ARRDC5: variants seen among roughly 807,000 people sequenced by gnomAD.
ARRDC5 encodes arrestin domain containing 5, also known as arrestin domain-containing protein 5.
In ARRDC5, 12 loss-of-function variants were observed where a neutral mutation model predicts 13.3. That is an observed-to-expected ratio of 0.90 (90% CI 0.58 to 1.46). The LOEUF (loss-of-function observed/expected upper bound fraction) is 1.46. ARRDC5 is among the 40% of genes most tolerant of loss of function. The pLI, the probability that ARRDC5 is intolerant of heterozygous loss-of-function variation, is 0.00. For synonymous variants in ARRDC5, 181 were observed against 173.4 expected, an observed-to-expected ratio of 1.04 and a Z score of -0.34; for missense variants, 406 against 418.7, an observed-to-expected ratio of 0.97 and a Z score of 0.26.
At chr19:4,899,913 T>G (rs1038617842) in intron 1 of ARRDC5, among the ~76,000 whole-genome samples, 3 of 146,274 alleles carry the variant, frequency 2.1e-5, no homozygotes, top group African/African-American at 7.5e-5. Context: ...CACTCCACGC[T>G]GGGCGACAGA....
intron 2 of ARRDC5, among the ~76,000 whole-genome samples, 159 bp downstream of exon 2, chr19:4,896,512 G>A (rs1415142293): frequency 1.3e-5 from 2 of 150,904 alleles, no homozygotes; most frequent in Non-Finnish European, 2.9e-5. Context: ...CTGCCCTAAG[G>A]TTTCTGACTC....
rs2031727207 is a variant in ARRDC5, at chr19:4,896,359, TTTACACACACACACACAC to T, written c.459+294_459+311del. On this transcript the variant is annotated intron_variant, in intron 2 of 2. Coordinates refer to ENST00000650722, the MANE Select transcript of ARRDC5 (RefSeq NM_001080523.3). ...ATATATATATATATATTTTTTTTTT[TTTACACACACACACACAC>T]ACACACACACACACACACACACACA... is the stretch of plus-strand genomic sequence containing the variant. Among the ~76,000 whole-genome samples, 2 of 82,990 alleles carry T rather than the reference TTTACACACACACACACAC, an allele frequency of 2.4e-5. 1 individual carries two copies. Among genetic ancestry groups the T allele is most frequent in the African/African-American group, 1.1e-4 (2 of 18,210 alleles). 54.4% of individuals were successfully genotyped at this position (82,990 alleles called of 152,430 possible).
upstream of ARRDC5, among the ~76,000 whole-genome samples, chr19:4,907,590 G>T (rs928534891): frequency 6.6e-6 from 1 of 151,052 alleles, no homozygotes; most frequent in Admixed American, 6.6e-5. Context: ...TCATCTTACA[G>T]TTTGGGAGGT....
the ARRDC5 span, among the ~76,000 whole-genome samples, chr19:4,912,838 T>C: frequency 5.3e-5 from 8 of 152,006 alleles, no homozygotes; most frequent in South Asian, 1.2e-3. Context: ...CAGCTCACTA[T>C]AGCCTCAGCT....
In ARRDC5 at chr19:4,894,510, CAA is replaced by C. The variant is rs575777769; in HGVS notation, c.459+2159_459+2160del. Among the ~76,000 whole-genome samples, 18 of 27,228 alleles carry C rather than the reference CAA, an allele frequency of 6.6e-4. 1 individual carries two copies. Among genetic ancestry groups the C allele is most frequent in the Middle Eastern group, 0.031 (1 of 32 alleles). The allele number at this position is 27,228 out of a possible 152,430, so 17.9% of individuals were successfully genotyped here. A position where few individuals can be genotyped will look rare whatever the true frequency, so the allele number is the denominator to read the frequency against. ...TGGGCGACAGAGCGAGACTCCGTCT[CAA>C]AAAAAAAAAAAAAAAAAAAAAATTA... On this transcript the variant is annotated intron_variant, in intron 2 of 2. Coordinates refer to ENST00000650722, the MANE Select transcript of ARRDC5 (RefSeq NM_001080523.3).
At chr19:4,902,996 G>T, upstream of ARRDC5, 1 of 773,840 alleles carries the variant, frequency 1.3e-6, no homozygotes. Flanking sequence ...TAGGGTGGGT[G>T]GTTGATTGGG....
rs377136880 is a variant in ARRDC5, at chr19:4,901,965, G to C, written c.253+608C>G. On this transcript the variant is annotated intron_variant, in intron 1 of 2. Transcript: ENST00000650722. ...GCTGTGGTGCGATCTCAGCTTACTG[G>C]AACCTCCCCTTCACGAGTTCAAGTG... is the stretch of plus-strand genomic sequence containing the variant. Among the ~76,000 whole-genome samples, 3 of 152,104 alleles carry C rather than the reference G, an allele frequency of 2.0e-5. No individual in the cohort carries two copies. The East Asian group carries it at 5.8e-4, about 29-fold the overall frequency.
At chr19:4,904,384 T>C (rs1307615291), upstream of ARRDC5, among the ~76,000 whole-genome samples, 1 of 152,186 alleles carries the variant, frequency 6.6e-6, no homozygotes, top group Non-Finnish European at 1.5e-5. Flanking sequence ...TTTCATCATG[T>C]TAGCCAGGAT....
rs1163797764 is a variant in ARRDC5, at chr19:4,896,344, ATATATT to A, written c.459+321_459+326del. ...AAAAAAAAAAAATATATATATATAT[ATATATT>A]TTTTTTTTTTTACACACACACACAC... On this transcript the variant is annotated intron_variant, in intron 2 of 2. Transcript: ENST00000650722. Among the ~76,000 whole-genome samples, 168 of 72,548 alleles carry A rather than the reference ATATATT, an allele frequency of 2.3e-3. 2 individuals carry two copies. The highest frequency in any genetic ancestry group is 6.9e-3 in the Middle Eastern group (1 of 144). The allele number at this position is 72,548 out of a possible 152,430, so 47.6% of individuals were successfully genotyped here. A position where few individuals can be genotyped will look rare whatever the true frequency, so the allele number is the denominator to read the frequency against.
At chr19:4,903,029 C>CTTTTTCACTGGTTCTT (rs57469214), upstream of ARRDC5, 3,747 of 443,732 alleles carry the variant, frequency 8.4e-3, no homozygotes, top group Middle Eastern at 0.012. Flanking sequence ...CTCACTGGTT[C>CTTTTTCACTGGTTCTT]TTTTTTTTTT....
At chr19:4,892,955 T>C (rs2031559851) in intron 2 of ARRDC5, among the ~76,000 whole-genome samples, 1 of 150,492 alleles carries the variant, frequency 6.6e-6, no homozygotes. Flanking sequence ...ATACAAAAAT[T>C]AGCCGGGCGT....
chr19:4,907,196 G>T (rs562114963), upstream of ARRDC5, among the ~76,000 whole-genome samples: 2 of 152,250 alleles, frequency 1.3e-5, no homozygotes, highest in Admixed American at 1.3e-4. Context: ...TGCAACCTCC[G>T]TCTCCTGGGT....
At chr19:4,905,323 G>C (rs1274940280), upstream of ARRDC5, among the ~76,000 whole-genome samples, 1 of 150,672 alleles carries the variant, frequency 6.6e-6, no homozygotes, top group Non-Finnish European at 1.5e-5. Flanking sequence ...GTTTCACCAT[G>C]TTAGCCAGGA....
intron 2 of ARRDC5, 108 bp from the exon 3 acceptor site, chr19:4,891,681 G>T: frequency 1.0e-6 from 1 of 993,388 alleles, no homozygotes; most frequent in Non-Finnish European, 1.5e-6. Context: ...GGCTGGCTGG[G>T]CACGATAGCT....
Position 4,891,187 on chromosome 19 carries a change from G to A in ARRDC5, c.846C>T (p.Val282=). The change falls in exon 3 of 3, where the codon GTC becomes GTT. Residue 282 remains valine, a synonymous_variant. Coordinates refer to ENST00000650722, the MANE Select transcript of ARRDC5 (RefSeq NM_001080523.3). The part of the protein sequence containing the change: ...GEIMHTRYEL[V]TTVHLPWSLT... Reference sequence around the variant, plus strand: ...GGGACCAGGGCAGGTGCACGGTGGTGACCAGCTCGTAGCGAGTGTGCATGA... The same window carrying A: ...GGGACCAGGGCAGGTGCACGGTGGTAACCAGCTCGTAGCGAGTGTGCATGA... The A allele has an allele frequency of 8.7e-6, 14 of 1,613,920 alleles. No individual in the cohort carries two copies. The highest frequency in any genetic ancestry group is 1.2e-5 in the Non-Finnish European group (14 of 1,179,870).
the ARRDC5 span, chr19:4,910,795 G>C: frequency 6.8e-7 from 1 of 1,469,634 alleles, no homozygotes; most frequent in Non-Finnish European, 9.1e-7. Context: ...CCGGACAAAA[G>C]CAACCCCGAC....
At chr19:4,905,797 G>A (rs896051604), upstream of ARRDC5, among the ~76,000 whole-genome samples, 5 of 152,138 alleles carry the variant, frequency 3.3e-5, no homozygotes, top group Non-Finnish European at 5.9e-5. Context: ...GATTACAGGC[G>A]TGAGCCACTG....
chr19:4,896,357 TTTTTACACACAC>T (rs1237072444), intron 2 of ARRDC5, among the ~76,000 whole-genome samples: 11 of 96,048 alleles, frequency 1.1e-4, no homozygotes, highest in South Asian at 1.0e-3. Context: ...TATTTTTTTT[TTTTTACACACAC>T]ACACACACAC....
In ARRDC5 at chr19:4,897,000, A is replaced by G. The variant is rs1437232596; in HGVS notation, c.254-124T>C. ...GAGACACGGTCTCACTCTGTCACCC[A>G]GTCTGGAGTATAGTGGTGTGATCTC... is the stretch of plus-strand genomic sequence containing the variant. On this transcript the variant is annotated intron_variant, in intron 1 of 2. Transcript: ENST00000650722. The G allele has an allele frequency of 2.0e-5, 13 of 664,560 alleles. No homozygotes were observed. The East Asian group carries it at 2.4e-4, about 12-fold the overall frequency. 41.2% of individuals were successfully genotyped at this position (664,560 alleles called of 1,614,324 possible). A position where few individuals can be genotyped will look rare whatever the true frequency, so the allele number is the denominator to read the frequency against.
Sources: allele counts gnomAD v4.1 joint callset (sites outside exome capture counted in the v4.1 genomes callset), GRCh38; gene constraint gnomAD v4.1.1; transcripts MANE v1.5; gene names NCBI Gene and HGNC (gene_info 2026-07-23, HGNC 2026-07-21).